The following TBCA variants were observed in gnomAD, a reference collection of about 807,000 sequenced individuals.
TBCA encodes the protein tubulin folding cofactor A, also known as tubulin-specific chaperone A.
TBCA carries 6 observed loss-of-function variants against 15.8 expected under a neutral mutation model. The observed-to-expected ratio is 0.38, with a 90% CI of 0.21 to 0.75. The LOEUF (loss-of-function observed/expected upper bound fraction) is 0.75, where lower values mean the gene tolerates loss of function less well. Ranked by LOEUF, TBCA falls within the 30% of genes least tolerant of loss-of-function variation. TBCA has a pLI of 0.46. For missense variants in TBCA, 90 were observed against 131.2 expected (o/e 0.69, Z 1.53); for synonymous variants, 32 against 42.3 (o/e 0.76, Z 0.94).
intron 1 of TBCA, among the ~76,000 whole-genome samples, chr5:77,763,470 G>T (rs1259001245): frequency 6.6e-6 from 1 of 152,124 alleles, no homozygotes; most frequent in Non-Finnish European, 1.5e-5. Flanking sequence ...CTAAATGTTT[G>T]TGTGCCCATC....
chr5:77,695,939 G>C (rs536080457), intron 2 of TBCA, among the ~76,000 whole-genome samples: 1 of 152,160 alleles, frequency 6.6e-6, no homozygotes, highest in Admixed American at 6.5e-5. Flanking sequence ...TTGGGAGTTA[G>C]TTTAGCAAGG....
chr5:77,774,033 C>T (rs998762313), intron 1 of TBCA, among the ~76,000 whole-genome samples: 9 of 152,144 alleles, frequency 5.9e-5, no homozygotes, highest in African/African-American at 2.2e-4. Context: ...TAAGGGCATT[C>T]TAAAGTAATT....
At chr5:77,740,819 TTAA>T (rs1561276752) in intron 1 of TBCA, among the ~76,000 whole-genome samples, 4 of 151,826 alleles carry the variant, frequency 2.6e-5, no homozygotes, top group African/African-American at 9.7e-5. Context: ...CAGAAAACAT[TTAA>T]GTAAGGGTAA....
intron 1 of TBCA, among the ~76,000 whole-genome samples, chr5:77,732,010 G>A (rs1746783446): frequency 6.6e-6 from 1 of 152,130 alleles, no homozygotes; most frequent in African/African-American, 2.4e-5. Flanking sequence ...TGGGTGTTTG[G>A]AGAAACTAAC....
At chr5:77,757,552 G>A (rs1443243077) in intron 1 of TBCA, among the ~76,000 whole-genome samples, 1 of 152,130 alleles carries the variant, frequency 6.6e-6, no homozygotes, top group East Asian at 1.9e-4. Context: ...CCAAATTTTG[G>A]GACATCAGGG....
Position 77,730,011 on chromosome 5 carries a change from A to C in TBCA, c.54-21664T>G. Reference sequence around the variant, plus strand: ...ATTCCTAAGTTTTATAAATGTTTCCAGTCAGAATGATTAAACTGAAATAAT... The same window carrying C: ...ATTCCTAAGTTTTATAAATGTTTCCCGTCAGAATGATTAAACTGAAATAAT... On this transcript the variant is annotated intron_variant, in intron 1 of 3. Coordinates refer to ENST00000380377, the MANE Select transcript of TBCA (RefSeq NM_004607.3). Among the ~76,000 whole-genome samples the C allele has an allele frequency of 1.3e-5, 2 of 152,304 alleles. 1 individual carries two copies.
chr5:77,692,169 A>G, intron 3 of TBCA: 1 of 984,894 alleles, frequency 1.0e-6, no homozygotes, highest in Non-Finnish European at 1.2e-6. Flanking sequence ...TTGATTTTTA[A>G]ATGAAGCTAT....
chr5:77,707,013 G>C (rs1180175673), intron 2 of TBCA, among the ~76,000 whole-genome samples: 1 of 152,008 alleles, frequency 6.6e-6, no homozygotes, highest in Admixed American at 6.6e-5. Flanking sequence ...TGGGAGAGTA[G>C]GTTGGAGTAG....
intron 1 of TBCA, among the ~76,000 whole-genome samples, chr5:77,730,696 T>C (rs972354185): frequency 4.6e-5 from 7 of 152,078 alleles, no homozygotes; most frequent in African/African-American, 1.2e-4. Flanking sequence ...CACTATATCA[T>C]AATCTCACAT....
At chr5:77,692,872 C>A in intron 3 of TBCA, 1 of 1,141,560 alleles carries the variant, frequency 8.8e-7, no homozygotes, top group South Asian at 2.6e-5. Context: ...AATTCAAGAT[C>A]CTTTTAATAA....
At chr5:77,719,345 A>G (rs1421876202) in intron 1 of TBCA, among the ~76,000 whole-genome samples, 1 of 152,226 alleles carries the variant, frequency 6.6e-6, no homozygotes, top group African/African-American at 2.4e-5. Flanking sequence ...TTCCCAAGGT[A>G]AAATCATTCC....
intron 2 of TBCA, among the ~76,000 whole-genome samples, chr5:77,695,873 T>C (rs1745860056): frequency 6.6e-6 from 1 of 152,190 alleles, no homozygotes; most frequent in Admixed American, 6.5e-5. Context: ...TGATGTCTAA[T>C]TGTTTTTAAA....
At position 77,754,011 on chromosome 5, in the gene TBCA, C is replaced by T. The variant is rs116112074; in HGVS notation, c.53+22194G>A. On this transcript the variant is annotated intron_variant, in intron 1 of 3. Coordinates refer to ENST00000380377, the MANE Select transcript of TBCA (RefSeq NM_004607.3). ...CTTCAAGTGATCTACCTACCTTGAC[C>T]TCCCAAAATGCTGGGATTACAGGTG... 3.9e-3 allele frequency among the ~76,000 whole-genome samples: 588 copies of T among 152,320 alleles called. 4 individuals carry two copies. The highest frequency in any genetic ancestry group is 0.012 in the African/African-American group (497 of 41,564).
chr5:77,705,372 G>A (rs1746127065), intron 2 of TBCA, among the ~76,000 whole-genome samples: 3 of 152,130 alleles, frequency 2.0e-5, no homozygotes, highest in Admixed American at 2.0e-4. Context: ...GGACCTGGAT[G>A]AAATAAAGTT....
At position 77,757,617 on chromosome 5, in the gene TBCA, C is replaced by A. The variant is rs1183521625; in HGVS notation, c.53+18588G>T. On this transcript the variant is annotated intron_variant, in intron 1 of 3. Coordinates refer to ENST00000380377, the MANE Select transcript of TBCA (RefSeq NM_004607.3). ...CAGCCAATTGTCCTGTTGGTTTGAG[C>A]CATAAAGATAGCCCAAGCTGGTACC... Among the ~76,000 whole-genome samples the A allele has an allele frequency of 2.0e-5, 3 of 152,176 alleles. No homozygotes were observed. In the East Asian group the frequency reaches 5.8e-4, roughly 29 times the overall value.
At chr5:77,696,885 C>T (rs1228978615) in intron 2 of TBCA, among the ~76,000 whole-genome samples, 1 of 152,204 alleles carries the variant, frequency 6.6e-6, no homozygotes, top group East Asian at 1.9e-4. Flanking sequence ...TGACAATGTA[C>T]TCCAGCCTAG....
At chr5:77,751,082 T>C (rs1340081836) in intron 1 of TBCA, among the ~76,000 whole-genome samples, 5 of 152,068 alleles carry the variant, frequency 3.3e-5, no homozygotes, top group Non-Finnish European at 1.5e-5. Flanking sequence ...GGTCTGTTGA[T>C]GTTAATGCTG....
intron 1 of TBCA, among the ~76,000 whole-genome samples, chr5:77,743,476 G>C (rs576620698): frequency 4.7e-4 from 71 of 152,338 alleles, no homozygotes; most frequent in African/African-American, 1.5e-3. Context: ...CCTGAGTGCA[G>C]ATACGAGTGG....
intron 1 of TBCA, among the ~76,000 whole-genome samples, chr5:77,771,625 C>A (rs796610021): frequency 6.6e-6 from 1 of 152,178 alleles, no homozygotes; most frequent in East Asian, 1.9e-4. Flanking sequence ...GTCAACTCTG[C>A]CATTTTGCCA....
Sources: gnomAD v4.1 joint callset for allele counts (sites outside exome capture counted in the v4.1 genomes callset) on GRCh38, gnomAD v4.1.1 for gene constraint, MANE v1.5 for transcripts, NCBI Gene and HGNC (gene_info 2026-07-23, HGNC 2026-07-21) for gene names.